The following PRICKLE1 variants were observed in gnomAD, a reference collection of about 807,000 sequenced individuals.
The protein encoded by PRICKLE1 is prickle planar cell polarity protein 1.
Under a neutral mutation model 70.2 loss-of-function variants are expected in PRICKLE1, and 14 were observed. That is an observed-to-expected ratio of 0.20 (90% CI 0.13 to 0.31). The LOEUF is 0.31. Ranked by LOEUF, PRICKLE1 falls within the 10% of genes least tolerant of loss-of-function variation. The probability of loss-of-function intolerance (pLI) is 1.00; values close to 1 mark genes in which losing one functional copy is unlikely to be tolerated. For synonymous variants in PRICKLE1, 357 were observed against 379.9 expected (o/e 0.94, Z 0.70); for missense variants, 821 against 1,026.2 (o/e 0.80, Z 2.73).
chr12:42,510,159 A>T, intron 1 of PRICKLE1, among the ~76,000 whole-genome samples: 1 of 151,634 alleles, frequency 6.6e-6, no homozygotes, highest in East Asian at 2.0e-4. Context: ...CAGTGGCGCC[A>T]TCTCTGCTCA....
At chr12:42,561,854 C>G (rs544079388) in intron 1 of PRICKLE1, among the ~76,000 whole-genome samples, 1 of 151,782 alleles carries the variant, frequency 6.6e-6, no homozygotes, top group East Asian at 1.9e-4. Flanking sequence ...TACGGCTACT[C>G]CAAAGAAAAT....
chr12:42,470,799 G>A (rs567010751), intron 2 of PRICKLE1, among the ~76,000 whole-genome samples: 3 of 152,020 alleles, frequency 2.0e-5, no homozygotes, highest in South Asian at 2.1e-4. Context: ...CTAGCTACTC[G>A]GGAGGCTGAG....
chr12:42,466,083 A>T, intron 6 of PRICKLE1, 111 bp downstream of exon 6: 1 of 1,114,856 alleles, frequency 9.0e-7, no homozygotes, highest in Non-Finnish European at 1.4e-6. Context: ...ATTTCATTGT[A>T]TGTAAATTAT....
intron 1 of PRICKLE1, among the ~76,000 whole-genome samples, chr12:42,578,331 T>A (rs545244962): frequency 1.2e-4 from 19 of 152,216 alleles, no homozygotes; most frequent in Non-Finnish European, 2.2e-4. Context: ...CTGTCATCCA[T>A]GTTTTAACAT....
chr12:42,470,357 G>C lies in PRICKLE1; in HGVS notation c.135C>G (p.Ile45Met). ...WVPPGLRPEQ[I>M]QLYFACLPEE... ...CTGGTAAGCAAGCAAAATAGAGCTG[G>C]ATCTGCAAAAGAGACAGTGAGAATG... The change falls in exon 3 of 8, where the codon ATC becomes ATG. Residue 45 changes from isoleucine to methionine, a missense_variant and splice_region_variant. By Grantham distance (10) the Ile-to-Met change is conservative (BLOSUM62 1). Coordinates refer to ENST00000345127, the MANE Select transcript of PRICKLE1 (RefSeq NM_153026.3). 1 of 1,597,036 alleles carries C rather than the reference G, an allele frequency of 6.3e-7. No homozygotes were observed. Among genetic ancestry groups the C allele is most frequent in the Non-Finnish European group, 8.6e-7 (1 of 1,164,642 alleles).
chr12:42,491,587 C>G (rs1368760142), intron 1 of PRICKLE1, among the ~76,000 whole-genome samples: 1 of 151,866 alleles, frequency 6.6e-6, no homozygotes, highest in African/African-American at 2.4e-5. Context: ...TAAAAGAGCT[C>G]AGGGGCCTAT....
At chr12:42,550,773 G>A (rs1379368259) in intron 1 of PRICKLE1, among the ~76,000 whole-genome samples, 1 of 152,140 alleles carries the variant, frequency 6.6e-6, no homozygotes, top group East Asian at 1.9e-4. Context: ...CTTTGAGAAC[G>A]CTCGAAGTTA....
intron 1 of PRICKLE1, among the ~76,000 whole-genome samples, chr12:42,490,679 T>C (rs964870249): frequency 1.8e-4 from 28 of 152,012 alleles, no homozygotes; most frequent in African/African-American, 6.8e-4. Context: ...ACAGTCTGGG[T>C]AGGGGCAGTG....
At chr12:42,465,951 G>T (rs1322985529) in intron 6 of PRICKLE1, 2 of 571,142 alleles carry the variant, frequency 3.5e-6, no homozygotes, top group South Asian at 4.0e-5. Flanking sequence ...ATGAGCAATG[G>T]TTCAGTGTTC....
At chr12:42,511,400 T>A (rs938521498) in intron 1 of PRICKLE1, among the ~76,000 whole-genome samples, 1 of 152,168 alleles carries the variant, frequency 6.6e-6, no homozygotes, top group Non-Finnish European at 1.5e-5. Context: ...ATTTTGCAGA[T>A]GTGGATAAAA....
chr12:42,512,753 G>A (rs11181532), intron 1 of PRICKLE1, among the ~76,000 whole-genome samples: 60,220 of 151,418 alleles, frequency 0.4, 12,622 homozygotes, highest in East Asian at 0.6. Context: ...TGCCTCCCGG[G>A]TTCAAATGAT....
intron 1 of PRICKLE1, among the ~76,000 whole-genome samples, chr12:42,562,876 A>G (rs943968494): frequency 2.0e-5 from 3 of 152,176 alleles, no homozygotes; most frequent in Admixed American, 6.5e-5. Context: ...GTTTTGGCAG[A>G]TTTAATTTAA....
chr12:42,475,517 G>T (rs964738555), intron 1 of PRICKLE1, among the ~76,000 whole-genome samples: 2 of 152,196 alleles, frequency 1.3e-5, no homozygotes, highest in South Asian at 2.1e-4. Flanking sequence ...TCCAGGGGGG[G>T]AGTGCTGATG....
At position 42,467,953 on chromosome 12, in the gene PRICKLE1, G is replaced by A. The variant is rs182233449; in HGVS notation, c.588+673C>T. Among the ~76,000 whole-genome samples the A allele has an allele frequency of 1.4e-3, 206 of 152,156 alleles. 2 individuals carry two copies. Among genetic ancestry groups the A allele is most frequent in the Non-Finnish European group, 3.4e-4 (23 of 68,012 alleles). On this transcript the variant is annotated intron_variant, in intron 5 of 7. Coordinates refer to ENST00000345127, the MANE Select transcript of PRICKLE1 (RefSeq NM_153026.3). ...AAAAGGAGCATCTGTTAAAACACTG[G>A]GAAAATCTAAACAAAGACTATGGTT...
At chr12:42,517,514 G>A (rs544366786) in intron 1 of PRICKLE1, among the ~76,000 whole-genome samples, 27 of 151,872 alleles carry the variant, frequency 1.8e-4, no homozygotes, top group Non-Finnish European at 3.4e-4. Context: ...GGGTTTCACC[G>A]TGTTAGCCAG....
intron 1 of PRICKLE1, among the ~76,000 whole-genome samples, chr12:42,519,794 C>A (rs1180592138): frequency 6.6e-6 from 1 of 152,072 alleles, no homozygotes; most frequent in Non-Finnish European, 1.5e-5. Context: ...AGAAATCTGA[C>A]CTGTGACTTT....
At chr12:42,478,800 T>C (rs1327525559) in intron 1 of PRICKLE1, among the ~76,000 whole-genome samples, 1 of 152,090 alleles carries the variant, frequency 6.6e-6, no homozygotes, top group Non-Finnish European at 1.5e-5. Flanking sequence ...ACAGTTCCAT[T>C]TCCCTCCTTT....
chr12:42,483,686 C>G (rs1299419701), intron 1 of PRICKLE1: 2 of 151,634 alleles, frequency 1.3e-5, no homozygotes, highest in African/African-American at 2.4e-5. Flanking sequence ...CGCCCCCGCC[C>G]CGCCGTGACG....
intron 1 of PRICKLE1, among the ~76,000 whole-genome samples, chr12:42,582,628 A>G (rs1349755354): frequency 6.6e-6 from 1 of 152,236 alleles, no homozygotes; most frequent in Non-Finnish European, 1.5e-5. Context: ...CTTCTTGTGT[A>G]CAATCGAACA....
Sources: gnomAD v4.1 joint callset for allele counts (sites outside exome capture counted in the v4.1 genomes callset) on GRCh38, gnomAD v4.1.1 for gene constraint, MANE v1.5 for transcripts, NCBI Gene and HGNC (gene_info 2026-07-23, HGNC 2026-07-21) for gene names.